Variants in CACNA1C observed in about 807,000 individuals in gnomAD.
CACNA1C encodes voltage-dependent L-type calcium channel subunit alpha-1C.
CACNA1C carries 30 observed loss-of-function variants against 229.0 expected under a neutral mutation model. That is an observed-to-expected ratio of 0.13 (90% CI 0.10 to 0.18). The LOEUF is 0.18. Ranked by LOEUF, CACNA1C falls within the 10% of genes least tolerant of loss-of-function variation. The pLI, the probability that CACNA1C is intolerant of heterozygous loss-of-function variation, is 1.00. For synonymous variants in CACNA1C, 1,114 were observed against 1,132.5 expected (o/e 0.98, Z 0.33); for missense variants, 1,658 against 2,845.0 (o/e 0.58, Z 9.49).
Position 2,647,828 on chromosome 12 carries a change from AC to A in CACNA1C, c.3913-646del, listed in dbSNP as rs918161761. The stretch of plus-strand genomic sequence containing the variant: ...ATAGGTTAACAATGGCTAATAAAAA[AC>A]AAATTAAAACAGGCTTGGCACAGTG... On this transcript the variant is annotated intron_variant, in intron 30 of 46. Coordinates refer to ENST00000399655, the MANE Select transcript of CACNA1C (RefSeq NM_000719.7). The surrounding 1 kb of genome is among the most constrained non-coding windows in gnomAD (Gnocchi z 4.2). 1.5e-4 allele frequency among the ~76,000 whole-genome samples: 23 copies of A among 152,162 alleles called. No individual in the cohort carries two copies. The highest frequency in any genetic ancestry group is 4.1e-4 in the African/African-American group (17 of 41,486).
At chr12:2,658,434 C>T (rs142767121) in intron 34 of CACNA1C, among the ~76,000 whole-genome samples, 1 of 152,274 alleles carries the variant, frequency 6.6e-6, no homozygotes, top group African/African-American at 2.4e-5. Context: ...CACCCAGTGA[C>T]GCTATAGCAT....
intron 3 of CACNA1C, among the ~76,000 whole-genome samples, chr12:2,394,543 G>T (rs7980523): frequency 0.18 from 27,897 of 152,072 alleles, 3,027 homozygotes; most frequent in African/African-American, 0.29. Flanking sequence ...CGATGTCATC[G>T]CATTTACTGA....
At chr12:2,305,919 G>A (rs1455579154) in intron 3 of CACNA1C, among the ~76,000 whole-genome samples, 1 of 152,210 alleles carries the variant, frequency 6.6e-6, no homozygotes, top group African/African-American at 2.4e-5. Flanking sequence ...TTTTAAGGCT[G>A]ACCATGTGCC....
chr12:2,449,029 A>G lies in CACNA1C; in HGVS notation c.531A>G (p.Lys177=). 1 of 1,606,390 alleles carries G rather than the reference A, an allele frequency of 6.2e-7. No homozygotes were observed. The highest frequency in any genetic ancestry group is 8.5e-7 in the Non-Finnish European group (1 of 1,174,638). Residue 177 remains lysine (K), a synonymous_variant, in exon 4 of 47, where the codon AAA becomes AAG. Coordinates refer to ENST00000399655, the MANE Select transcript of CACNA1C (RefSeq NM_000719.7). ...LIIFTVEAFL[K]VIAYGLLFHP... ...TTTTTACGGTGGAAGCGTTTTTAAA[A>G]GTAATCGCCTATGGACTCCTCTTTC... is the stretch of plus-strand genomic sequence containing the variant.
intron 9 of CACNA1C, among the ~76,000 whole-genome samples, chr12:2,538,407 C>CCCAGG (rs2099860966): frequency 6.6e-6 from 1 of 152,202 alleles, no homozygotes; most frequent in East Asian, 1.9e-4. Flanking sequence ...GACCTTTCCA[C>CCCAGG]CCAGGCAGGC....
chr12:2,281,247 A>T (rs992700524), intron 3 of CACNA1C, among the ~76,000 whole-genome samples: 2 of 152,102 alleles, frequency 1.3e-5, no homozygotes, highest in Non-Finnish European at 2.9e-5. Context: ...CGTTGCTGCC[A>T]TACATGCTAA....
At position 2,154,962 on chromosome 12, in the gene CACNA1C, C is replaced by T. The variant is rs544217056; in HGVS notation, c.477+34532C>T. Among the ~76,000 whole-genome samples, 10 of 152,320 alleles carry T rather than the reference C, an allele frequency of 6.6e-5. No individual in the cohort carries two copies. The East Asian group carries it at 1.4e-3, about 21-fold the overall frequency. On this transcript the variant is annotated intron_variant, in intron 3 of 46. Transcript: ENST00000399655. The stretch of plus-strand genomic sequence containing the variant: ...CGGAGCCGGCTCTGTGCTCTGAAAG[C>T]GGCCCATCCTGCCGTCCTAGAGTAT...
intron 3 of CACNA1C, among the ~76,000 whole-genome samples, chr12:2,225,408 G>A (rs1265621142): frequency 3.3e-5 from 5 of 152,186 alleles, no homozygotes; most frequent in African/African-American, 7.2e-5. Context: ...GCACCAATAC[G>A]CAAAGAAATC....
At chr12:2,278,681 A>T (rs1378580267) in intron 3 of CACNA1C, among the ~76,000 whole-genome samples, 2 of 152,264 alleles carry the variant, frequency 1.3e-5, no homozygotes, top group African/African-American at 4.8e-5. Flanking sequence ...TAAATAAAGC[A>T]GCTATGAACA....
intron 1 of CACNA1C, among the ~76,000 whole-genome samples, chr12:2,058,840 C>T (rs2056323605): frequency 6.6e-6 from 1 of 152,198 alleles, no homozygotes; most frequent in Non-Finnish European, 1.5e-5. Context: ...TGAATGCCAT[C>T]ATTTGAACTG....
chr12:2,470,438 C>T (rs1032543913), intron 5 of CACNA1C, among the ~76,000 whole-genome samples: 4 of 152,162 alleles, frequency 2.6e-5, no homozygotes, highest in Non-Finnish European at 2.9e-5. Context: ...AAATGAAGAT[C>T]CAGTGAGGCC....
chr12:2,438,202 GGTGATGGTGGTGGTGGTGGTGGTT>G (rs1268836259), intron 3 of CACNA1C, among the ~76,000 whole-genome samples: 13 of 148,038 alleles, frequency 8.8e-5, no homozygotes, highest in Non-Finnish European at 1.8e-4. Flanking sequence ...TGACGGCGAT[GGTGATGGTGGTGGTGGTGGTGGTT>G]GTGATGGTGG....
chr12:2,314,012 C>CA (rs2095561795), intron 3 of CACNA1C, among the ~76,000 whole-genome samples: 1 of 152,186 alleles, frequency 6.6e-6, no homozygotes, highest in African/African-American at 2.4e-5. Flanking sequence ...GGGCACAGGG[C>CA]ACACGGCCTT....
At chr12:2,382,438 T>C (rs1475157660) in intron 3 of CACNA1C, among the ~76,000 whole-genome samples, 1 of 152,258 alleles carries the variant, frequency 6.6e-6, no homozygotes, top group Non-Finnish European at 1.5e-5. Flanking sequence ...CAATCCTTTA[T>C]TTCCATTTAA....
chr12:1,988,231 C>G (rs1302010428), intron 1 of CACNA1C, among the ~76,000 whole-genome samples: 1 of 152,176 alleles, frequency 6.6e-6, no homozygotes, highest in Non-Finnish European at 1.5e-5. Context: ...TCATTGTTAC[C>G]TCTGTGCCAT....
At chr12:2,455,202 CT>C (rs924389956) in intron 4 of CACNA1C, among the ~76,000 whole-genome samples, 5 of 152,186 alleles carry the variant, frequency 3.3e-5, no homozygotes, top group African/African-American at 9.6e-5. Context: ...AAACAAAACC[CT>C]CTTGACTCCA....
rs114475881 is a variant in CACNA1C, at chr12:2,454,617, T to A, written c.618-2950T>A. On this transcript the variant is annotated intron_variant, in intron 4 of 46. Transcript: ENST00000399655. The stretch of plus-strand genomic sequence containing the variant: ...CAAGTCCAACCAGAGATCTGCTTGG[T>A]ACCTGGAAAGGGTCAAGAAATCTGC... 8.5e-3 allele frequency among the ~76,000 whole-genome samples: 1,291 copies of A among 152,234 alleles called. 21 individuals carry two copies. Among genetic ancestry groups the A allele is most frequent in the African/African-American group, 0.029 (1,223 of 41,532 alleles).
chr12:2,357,835 G>A (rs1384875944), intron 3 of CACNA1C, among the ~76,000 whole-genome samples: 1 of 151,894 alleles, frequency 6.6e-6, no homozygotes, highest in Admixed American at 6.6e-5. Context: ...GCCAGGCATG[G>A]TGGAGGGTGC....
chr12:2,532,096 A>C (rs1030122130), intron 9 of CACNA1C, among the ~76,000 whole-genome samples: 4 of 152,168 alleles, frequency 2.6e-5, no homozygotes, highest in Non-Finnish European at 5.9e-5. Flanking sequence ...AATTACTCAC[A>C]CTAATTGCTT....
Sources: gnomAD v4.1 joint callset for allele counts (sites outside exome capture counted in the v4.1 genomes callset) on GRCh38, gnomAD v4.1.1 for gene constraint, Gnocchi (gnomAD v3.1) non-coding constraint, MANE v1.5 for transcripts, NCBI Gene and HGNC (gene_info 2026-07-23, HGNC 2026-07-21) for gene names.